Variants in AGPAT5 observed in about 807,000 individuals in gnomAD.
AGPAT5 encodes 1-acyl-sn-glycerol-3-phosphate acyltransferase epsilon.
In AGPAT5, 46 loss-of-function variants were observed where a neutral mutation model predicts 45.6. The observed-to-expected ratio is 1.01, with a 90% CI of 0.80 to 1.29. AGPAT5 has a LOEUF of 1.29. Among genes scored for constraint, AGPAT5 ranks in the 50% most tolerant of loss-of-function variants. The probability of loss-of-function intolerance (pLI) is 0.00; values close to 1 mark genes in which losing one functional copy is unlikely to be tolerated. For synonymous variants in AGPAT5, 272 were observed against 167.0 expected (o/e 1.63, Z -4.85); for missense variants, 673 against 450.7 (o/e 1.49, Z -4.47).
chr8:6,717,387 G>T (rs372548565), intron 1 of AGPAT5, among the ~76,000 whole-genome samples: 4 of 152,166 alleles, frequency 2.6e-5, no homozygotes, highest in South Asian at 2.1e-4. Flanking sequence ...GAGGGTGATG[G>T]TACCTGGAAA....
intron 4 of AGPAT5, among the ~76,000 whole-genome samples, chr8:6,739,532 G>A (rs1587042826): frequency 6.6e-6 from 1 of 151,932 alleles, no homozygotes; most frequent in Non-Finnish European, 1.5e-5. Context: ...TTCAGTTTTT[G>A]ATACTATTGT....
intron 4 of AGPAT5, among the ~76,000 whole-genome samples, chr8:6,733,494 C>T (rs568753660): frequency 6.6e-6 from 1 of 152,146 alleles, no homozygotes; most frequent in Non-Finnish European, 1.5e-5. Flanking sequence ...TAGAACATTG[C>T]ATCTGTTTTG....
chr8:6,719,293 G>A (rs73524938), intron 1 of AGPAT5, among the ~76,000 whole-genome samples: 3,387 of 152,282 alleles, frequency 0.022, 127 homozygotes, highest in African/African-American at 0.077. Flanking sequence ...CTGAAGTTCA[G>A]TTAGTTCAGT....
intron 5 of AGPAT5, among the ~76,000 whole-genome samples, chr8:6,742,361 A>G (rs1801270144): frequency 6.6e-6 from 1 of 152,246 alleles, no homozygotes; most frequent in Non-Finnish European, 1.5e-5. Flanking sequence ...AGAAAATTGA[A>G]TAATTGGTAC....
intron 2 of AGPAT5, among the ~76,000 whole-genome samples, chr8:6,728,761 C>G (rs552677909): frequency 2.0e-5 from 3 of 152,292 alleles, no homozygotes; most frequent in Admixed American, 2.0e-4. Flanking sequence ...AATTTATTGT[C>G]TGCTTACTTT....
intron 6 of AGPAT5, among the ~76,000 whole-genome samples, chr8:6,748,842 G>C (rs1341244629): frequency 6.6e-6 from 1 of 152,134 alleles, no homozygotes; most frequent in Non-Finnish European, 1.5e-5. Context: ...GTATCAGTAG[G>C]ATCTACTGAG....
At position 6,712,640 on chromosome 8, in the gene AGPAT5, G is replaced by T. The variant is rs2911983; in HGVS notation, c.219+3753G>T. 3.6e-4 allele frequency among the ~76,000 whole-genome samples: 54 copies of T among 152,072 alleles called. 1 individual carries two copies. Among genetic ancestry groups the T allele is most frequent in the African/African-American group, 9.4e-4 (39 of 41,488 alleles). ...AAGTTGGAGTACTGACAGAGGATTG[G>T]GTAGGACTCATGAAAAAGGAATGAA... is the stretch of plus-strand genomic sequence containing the variant. On this transcript the variant is annotated intron_variant, in intron 1 of 7. Transcript: ENST00000285518.
chr8:6,750,288 G>A (rs1166018413), intron 6 of AGPAT5, among the ~76,000 whole-genome samples: 1 of 152,180 alleles, frequency 6.6e-6, no homozygotes, highest in East Asian at 1.9e-4. Flanking sequence ...AACCTTCTGT[G>A]AGTTGCATTG....
rs7008603 is a variant in AGPAT5, at chr8:6,743,293, G to A, written c.586+1542G>A. ...CCATGGCTTTAGCCATCGTTTCCTT[G>A]ACTGCTGATGACTCGCAAAAGCTTC... On this transcript the variant is annotated intron_variant, in intron 5 of 7. Coordinates refer to ENST00000285518, the MANE Select transcript of AGPAT5 (RefSeq NM_018361.5). Among the ~76,000 whole-genome samples the A allele has an allele frequency of 6.6e-3, 1,007 of 152,226 alleles. 15 individuals carry two copies. The highest frequency in any genetic ancestry group is 0.023 in the African/African-American group (973 of 41,528).
At chr8:6,753,669 C>G (rs529785964) in intron 6 of AGPAT5, among the ~76,000 whole-genome samples, 4 of 152,330 alleles carry the variant, frequency 2.6e-5, no homozygotes, top group South Asian at 2.1e-4. Context: ...ACCATGTGTG[C>G]TCTTCCCTAG....
intron 2 of AGPAT5, among the ~76,000 whole-genome samples, chr8:6,729,527 T>G (rs1045728276): frequency 6.6e-6 from 1 of 152,198 alleles, no homozygotes; most frequent in African/African-American, 2.4e-5. Flanking sequence ...ATTTTTATGT[T>G]TTCTTTCTCA....
At chr8:6,735,356 AGT>A (rs935353821) in intron 4 of AGPAT5, among the ~76,000 whole-genome samples, 2 of 151,938 alleles carry the variant, frequency 1.3e-5, no homozygotes, top group Non-Finnish European at 2.9e-5. Flanking sequence ...CCCTGACCGC[AGT>A]GTGTTTTCCT....
chr8:6,739,860 A>T (rs1314119223), intron 4 of AGPAT5, among the ~76,000 whole-genome samples: 4 of 152,058 alleles, frequency 2.6e-5, no homozygotes, highest in African/African-American at 9.7e-5. Flanking sequence ...TCATTCTTTT[A>T]TCCATTCTTT....
chr8:6,745,957 CCTT>C (rs1164401509), intron 5 of AGPAT5: 1 of 152,100 alleles, frequency 6.6e-6, no homozygotes, highest in Non-Finnish European at 1.5e-5. Context: ...CTTCTTTCTT[CCTT>C]CTTTCTTTCG....
chr8:6,736,474 T>C (rs1280212784), intron 4 of AGPAT5, among the ~76,000 whole-genome samples: 1 of 152,354 alleles, frequency 6.6e-6, no homozygotes, highest in South Asian at 2.1e-4. Flanking sequence ...ATTTAAAAGG[T>C]GTGTTGGGTT....
At chr8:6,742,506 G>A (rs993136829) in intron 5 of AGPAT5, among the ~76,000 whole-genome samples, 2 of 152,156 alleles carry the variant, frequency 1.3e-5, no homozygotes, top group African/African-American at 4.8e-5. Context: ...CACTCACTGA[G>A]CAAATACCTT....
chr8:6,721,638 A>G (rs1341851478), intron 1 of AGPAT5, among the ~76,000 whole-genome samples: 3 of 152,138 alleles, frequency 2.0e-5, no homozygotes, highest in African/African-American at 7.2e-5. Flanking sequence ...ACAGATGAGG[A>G]TTCAAATTCA....
At chr8:6,717,722 A>G (rs1412098727) in intron 1 of AGPAT5, among the ~76,000 whole-genome samples, 1 of 152,214 alleles carries the variant, frequency 6.6e-6, no homozygotes, top group African/African-American at 2.4e-5. Flanking sequence ...CTCTTGGTGC[A>G]CTTACATATT....
intron 1 of AGPAT5, among the ~76,000 whole-genome samples, chr8:6,713,893 A>C (rs1463106399): frequency 6.6e-6 from 1 of 152,230 alleles, no homozygotes; most frequent in Non-Finnish European, 1.5e-5. Flanking sequence ...AAGGCTTTTT[A>C]TCTAGAGAAC....
Sources: allele counts gnomAD v4.1 joint callset (sites outside exome capture counted in the v4.1 genomes callset), GRCh38; gene constraint gnomAD v4.1.1; transcripts MANE v1.5; gene names NCBI Gene and HGNC (gene_info 2026-07-23, HGNC 2026-07-21).